PDE1C: variants seen among roughly 807,000 people sequenced by gnomAD.
The protein encoded by PDE1C is phosphodiesterase 1C.
PDE1C carries 62 observed loss-of-function variants against 93.1 expected under a neutral mutation model. The observed-to-expected ratio is 0.67, with a 90% CI of 0.54 to 0.82. PDE1C has a LOEUF of 0.82. Ranked by LOEUF, PDE1C falls within the 40% of genes least tolerant of loss-of-function variation. The probability of loss-of-function intolerance (pLI) is 0.00; values close to 1 mark genes in which losing one functional copy is unlikely to be tolerated. For synonymous variants in PDE1C, 325 were observed against 310.1 expected (o/e 1.05, Z -0.50); for missense variants, 742 against 884.6 (o/e 0.84, Z 2.04).
chr7:31,692,791 G>A, the PDE1C span, among the ~76,000 whole-genome samples: 1 of 152,210 alleles, frequency 6.6e-6, no homozygotes, highest in South Asian at 2.1e-4. Context: ...CTTTTTCTGG[G>A]TCTGACAGAG....
intron 2 of PDE1C, among the ~76,000 whole-genome samples, chr7:31,920,903 C>G (rs778555394): frequency 6.6e-6 from 1 of 152,210 alleles, no homozygotes; most frequent in Non-Finnish European, 1.5e-5. Flanking sequence ...CAGTTTAACC[C>G]TTCTAATATG....
intron 7 of PDE1C, among the ~76,000 whole-genome samples, chr7:31,854,478 G>A (rs1199108255): frequency 6.6e-6 from 1 of 152,194 alleles, no homozygotes; most frequent in Non-Finnish European, 1.5e-5. Context: ...AAATATGAGT[G>A]TCACAACTAG....
At chr7:31,652,718 C>G in the PDE1C span, 1 of 1,613,950 alleles carries the variant, frequency 6.2e-7, no homozygotes. Flanking sequence ...CTCCACCCAC[C>G]TTGGAGAACA....
chr7:32,227,630 C>T (rs1268725170), intron 1 of PDE1C, among the ~76,000 whole-genome samples: 1 of 152,112 alleles, frequency 6.6e-6, no homozygotes, highest in African/African-American at 2.4e-5. Context: ...TAAGATGGCT[C>T]CCAATAAGCC....
chr7:31,712,419 C>T, the PDE1C span, among the ~76,000 whole-genome samples: 3 of 152,202 alleles, frequency 2.0e-5, no homozygotes, highest in Non-Finnish European at 4.4e-5. Context: ...GCTATGGAGC[C>T]GAACACAAAT....
At chr7:31,642,125 C>T in the PDE1C span, 2 of 1,369,556 alleles carry the variant, frequency 1.5e-6, no homozygotes, top group Non-Finnish European at 2.0e-6. Flanking sequence ...CCAAGTCCTG[C>T]TGGCTGCGTG....
At chr7:32,117,823 G>A (rs941679280) in intron 3 of PDE1C, among the ~76,000 whole-genome samples, 2 of 152,138 alleles carry the variant, frequency 1.3e-5, no homozygotes, top group African/African-American at 4.8e-5. Context: ...AATTAAATTG[G>A]TCTCGTACTT....
chr7:31,643,229 A>G, the PDE1C span: 2 of 1,613,956 alleles, frequency 1.2e-6, no homozygotes, highest in Non-Finnish European at 1.7e-6. Flanking sequence ...CCACGAGAAG[A>G]GGAAAGCAGT....
At chr7:31,961,250 A>T (rs1218949224) in intron 2 of PDE1C, among the ~76,000 whole-genome samples, 1 of 150,654 alleles carries the variant, frequency 6.6e-6, no homozygotes, top group Non-Finnish European at 1.5e-5. Context: ...ATATGTATAT[A>T]TATATATATA....
At chr7:31,926,315 C>A (rs986063936) in intron 2 of PDE1C, among the ~76,000 whole-genome samples, 2 of 152,180 alleles carry the variant, frequency 1.3e-5, no homozygotes, top group African/African-American at 2.4e-5. Context: ...AGTGTACTGT[C>A]ATGAGAATTA....
chr7:31,968,171 C>T (rs1355603953), intron 2 of PDE1C, among the ~76,000 whole-genome samples: 1 of 152,162 alleles, frequency 6.6e-6, no homozygotes, highest in Non-Finnish European at 1.5e-5. Flanking sequence ...GTCAAATTGT[C>T]CCTGTTTGCA....
intron 1 of PDE1C, among the ~76,000 whole-genome samples, chr7:32,217,396 G>GA (rs1190156296): frequency 6.6e-6 from 1 of 152,208 alleles, no homozygotes; most frequent in African/African-American, 2.4e-5. Context: ...TCAGAGAAGG[G>GA]ATGTGCCCCA....
chr7:31,667,205 G>C, the PDE1C span, among the ~76,000 whole-genome samples: 1 of 152,132 alleles, frequency 6.6e-6, no homozygotes, highest in Non-Finnish European at 1.5e-5. Flanking sequence ...ATAGCTTTTG[G>C]AATACCCCTT....
At chr7:31,798,213 G>C (rs1176827795) in intron 16 of PDE1C, among the ~76,000 whole-genome samples, 1 of 151,744 alleles carries the variant, frequency 6.6e-6, no homozygotes, top group Non-Finnish European at 1.5e-5. Flanking sequence ...TAAACTGTCA[G>C]TCAAAACTAC....
intron 2 of PDE1C, among the ~76,000 whole-genome samples, chr7:32,018,004 C>T (rs535530581): frequency 3.3e-5 from 5 of 151,648 alleles, no homozygotes; most frequent in Admixed American, 6.6e-5. Context: ...TGCTTGAGCC[C>T]GGGAAGTGGA....
At chr7:31,715,176 A>G in the PDE1C span, among the ~76,000 whole-genome samples, 43 of 152,312 alleles carry the variant, frequency 2.8e-4, no homozygotes, top group African/African-American at 1.0e-3. Context: ...TTTACTATTA[A>G]CAATATGTAT....
intron 17 of PDE1C, among the ~76,000 whole-genome samples, chr7:31,765,287 A>G (rs1237688576): frequency 6.6e-6 from 1 of 152,180 alleles, no homozygotes; most frequent in African/African-American, 2.4e-5. Flanking sequence ...TAGACTAAAA[A>G]TGAACTCCCT....
chr7:32,248,355 G>A (rs1170799397), intron 1 of PDE1C, among the ~76,000 whole-genome samples: 1 of 152,170 alleles, frequency 6.6e-6, no homozygotes, highest in Non-Finnish European at 1.5e-5. Context: ...AAATTCACTG[G>A]ATTATAAATA....
At chr7:32,020,322 A>T (rs1372052503) in intron 2 of PDE1C, among the ~76,000 whole-genome samples, 1 of 152,104 alleles carries the variant, frequency 6.6e-6, no homozygotes, top group African/African-American at 2.4e-5. Flanking sequence ...CCCCTGCCCT[A>T]AAAAACTCTG....
Sources: gnomAD v4.1 joint callset for allele counts (sites outside exome capture counted in the v4.1 genomes callset) on GRCh38, gnomAD v4.1.1 for gene constraint, MANE v1.5 for transcripts, NCBI Gene and HGNC (gene_info 2026-07-23, HGNC 2026-07-21) for gene names.